PLXNC1: variants seen among roughly 807,000 people sequenced by gnomAD.
PLXNC1 encodes the protein plexin-C1.
A neutral mutation model predicts 178.2 loss-of-function variants in PLXNC1; 75 were observed. The observed-to-expected ratio is 0.42, with a 90% CI of 0.35 to 0.51. The LOEUF (loss-of-function observed/expected upper bound fraction) is 0.51, where lower values mean the gene tolerates loss of function less well. PLXNC1 is among the 20% of genes least tolerant of loss of function. PLXNC1 has a pLI of 0.02. For missense variants in PLXNC1, 1,503 were observed against 1,984.4 expected (o/e 0.76, Z 4.61); for synonymous variants, 790 against 779.9 (o/e 1.01, Z -0.22).
chr12:94,278,710 T>C (rs1296007570), intron 21 of PLXNC1, among the ~76,000 whole-genome samples: 1 of 152,084 alleles, frequency 6.6e-6, no homozygotes, highest in African/African-American at 2.4e-5. Flanking sequence ...AAAAGTGACC[T>C]CTTTGGGCCG....
chr12:94,286,215 A>G lies in PLXNC1; in HGVS notation c.3879+3814A>G, dbSNP rs140660441. 2.4e-3 allele frequency among the ~76,000 whole-genome samples: 358 copies of G among 152,328 alleles called. 1 individual carries two copies. Among genetic ancestry groups the G allele is most frequent in the African/African-American group, 8.3e-3 (347 of 41,574 alleles). Reference sequence around the variant, plus strand: ...TGCTGCATGGTGGTAATAAATGACAAGCCTAGGACATGAAGGCTTAAAGGA... The same window carrying G: ...TGCTGCATGGTGGTAATAAATGACAGGCCTAGGACATGAAGGCTTAAAGGA... On this transcript the variant is annotated intron_variant, in intron 23 of 30. Coordinates refer to ENST00000258526, the MANE Select transcript of PLXNC1 (RefSeq NM_005761.3).
At chr12:94,180,881 A>G (rs1330783592) in intron 2 of PLXNC1, among the ~76,000 whole-genome samples, 2 of 152,210 alleles carry the variant, frequency 1.3e-5, no homozygotes, top group African/African-American at 4.8e-5. Flanking sequence ...TCCACATATG[A>G]GGATACTACC....
chr12:94,236,100 A>G (rs1964233243), intron 9 of PLXNC1, among the ~76,000 whole-genome samples: 1 of 152,260 alleles, frequency 6.6e-6, no homozygotes, highest in Non-Finnish European at 1.5e-5. Flanking sequence ...CATAAAATGC[A>G]GTCAAGTATA....
chr12:94,264,543 C>A (rs1245949282), intron 20 of PLXNC1, among the ~76,000 whole-genome samples: 1 of 152,208 alleles, frequency 6.6e-6, no homozygotes, highest in Non-Finnish European at 1.5e-5. Flanking sequence ...GGAGATAAGG[C>A]TGCAAACTGT....
At chr12:94,227,358 T>C (rs1166057006) in intron 9 of PLXNC1, 123 bp downstream of exon 9, 6 of 596,160 alleles carry the variant, frequency 1.0e-5, no homozygotes, top group Non-Finnish European at 1.8e-5. Context: ...AAATTCCCTT[T>C]TGTGTCTTTG....
At chr12:94,253,313 G>GTC (rs1964753259) in intron 15 of PLXNC1, among the ~76,000 whole-genome samples, 1 of 149,798 alleles carries the variant, frequency 6.7e-6, no homozygotes, top group Admixed American at 6.7e-5. Flanking sequence ...AGTTGCCAGT[G>GTC]TCTCCTTCTA....
rs1393643986 is a variant in PLXNC1 at position 94,181,490 on chromosome 12, C to A, written c.1248C>A (p.Ile416=). The change falls in exon 3 of 31, where the codon ATC becomes ATA. Residue 416 remains isoleucine, a synonymous_variant. Coordinates refer to ENST00000258526, the MANE Select transcript of PLXNC1 (RefSeq NM_005761.3). Reference sequence around the variant, plus strand: ...TGACTTCAAATTGTCCAGAGGTTATCTATGAAATTAAAGAAGAGACACCTG... The same window carrying A: ...TGACTTCAAATTGTCCAGAGGTTATATATGAAATTAAAGAAGAGACACCTG... ...ENLTSNCPEV[I]YEIKEETPVF... 1.3e-6 allele frequency: 2 copies of A among 1,590,866 alleles called. No individual in the cohort carries two copies. Among genetic ancestry groups the A allele is most frequent in the Non-Finnish European group, 1.7e-6 (2 of 1,160,004 alleles).
At chr12:94,196,915 C>G (rs1022414266) in intron 4 of PLXNC1, among the ~76,000 whole-genome samples, 2 of 152,224 alleles carry the variant, frequency 1.3e-5, no homozygotes, top group African/African-American at 4.8e-5. Context: ...TTCCCACAAA[C>G]TTGGCAGCTT....
chr12:94,303,213 A>G (rs540046973), intron 28 of PLXNC1, among the ~76,000 whole-genome samples: 48 of 152,316 alleles, frequency 3.2e-4, no homozygotes, highest in African/African-American at 1.1e-3. Flanking sequence ...ACTAATGACC[A>G]TGTGCTTCCC....
At chr12:94,304,356 G>A (rs1968788938) in intron 30 of PLXNC1, 1 of 240,190 alleles carries the variant, frequency 4.2e-6, no homozygotes, top group Admixed American at 5.4e-5. Flanking sequence ...AATGGGGTCA[G>A]CTTATGCTTG....
chr12:94,204,584 G>A (rs533330246), intron 4 of PLXNC1, among the ~76,000 whole-genome samples: 2 of 152,264 alleles, frequency 1.3e-5, no homozygotes, highest in South Asian at 4.1e-4. Flanking sequence ...AAAGAGTCTG[G>A]AGGCCTTTCA....
chr12:94,190,221 T>A (rs1161369900), intron 4 of PLXNC1, among the ~76,000 whole-genome samples: 1 of 152,074 alleles, frequency 6.6e-6, no homozygotes, highest in Non-Finnish European at 1.5e-5. Context: ...GGGGCTTCTG[T>A]TGATAACTGG....
intron 9 of PLXNC1, among the ~76,000 whole-genome samples, chr12:94,230,186 C>T (rs747324923): frequency 6.6e-6 from 1 of 152,196 alleles, no homozygotes; most frequent in African/African-American, 2.4e-5. Flanking sequence ...TTTATATAAA[C>T]GGAATCATCC....
chr12:94,303,845 G>T lies in PLXNC1; in HGVS notation c.4476G>T (p.Leu1492Phe), dbSNP rs1357729366. The T allele has an allele frequency of 6.2e-7, 1 of 1,609,302 alleles. No homozygotes were observed. The highest frequency in any genetic ancestry group is 2.2e-5 in the East Asian group (1 of 44,732). Residue 1492 changes from leucine to phenylalanine, a missense_variant, in exon 29 of 31, where the codon TTG (leucine) becomes TTT (phenylalanine). By Grantham distance (22) the Leu-to-Phe change is conservative. Coordinates refer to ENST00000258526, the MANE Select transcript of PLXNC1 (RefSeq NM_005761.3). ...VKSYYKAIRD[L>F]PPLSSSEMEE... ...CTTATTACAAAGCAATCAGGGATTT[G>T]CCTCCATTGTCATCCTCAGAAATGG...
At chr12:94,162,798 A>G (rs1961434146) in intron 1 of PLXNC1, among the ~76,000 whole-genome samples, 2 of 152,212 alleles carry the variant, frequency 1.3e-5, no homozygotes, top group African/African-American at 4.8e-5. Context: ...AGAAAAGTCT[A>G]GATAACCATT....
chr12:94,182,649 C>G (rs1192384457), intron 3 of PLXNC1, among the ~76,000 whole-genome samples: 2 of 151,270 alleles, frequency 1.3e-5, no homozygotes, highest in Non-Finnish European at 2.9e-5. Flanking sequence ...CGCTTGAAAC[C>G]AGGAGGTGGA....
At chr12:94,275,040 A>G (rs2136117208) in intron 21 of PLXNC1, among the ~76,000 whole-genome samples, 1 of 152,318 alleles carries the variant, frequency 6.6e-6, no homozygotes, top group East Asian at 1.9e-4. Flanking sequence ...CAGCGAAGTT[A>G]GACGACTTCC....
chr12:94,157,189 T>G (rs56185494), intron 1 of PLXNC1, among the ~76,000 whole-genome samples: 12,712 of 152,220 alleles, frequency 0.084, 718 homozygotes, highest in Non-Finnish European at 0.13. Flanking sequence ...TGGCCCCTGG[T>G]CCGACTAGAA....
intron 15 of PLXNC1, among the ~76,000 whole-genome samples, chr12:94,253,264 T>C (rs560649669): frequency 7.8e-5 from 10 of 128,038 alleles, no homozygotes; most frequent in East Asian, 2.6e-4. Flanking sequence ...TGATTTAACA[T>C]AGGTATTGAC....
Sources: gnomAD v4.1 joint callset for allele counts (sites outside exome capture counted in the v4.1 genomes callset) on GRCh38, gnomAD v4.1.1 for gene constraint, MANE v1.5 for transcripts, NCBI Gene and HGNC (gene_info 2026-07-23, HGNC 2026-07-21) for gene names.